LGR6: variants seen among roughly 807,000 people sequenced by gnomAD.
LGR6 encodes the protein leucine-rich repeat-containing G protein-coupled receptor 6.
Under a neutral mutation model 69.4 loss-of-function variants are expected in LGR6, and 45 were observed. The ratio of observed to expected loss-of-function variants is 0.65; its 90% CI spans 0.51 to 0.83. The LOEUF (loss-of-function observed/expected upper bound fraction) is 0.83. Among genes scored for constraint, LGR6 ranks in the 40% least tolerant of loss-of-function variants. The pLI is 0.00. For missense variants in LGR6, 1,108 were observed against 1,246.7 expected, an observed-to-expected ratio of 0.89 and a Z score of 1.68; for synonymous variants, 538 against 555.0, an observed-to-expected ratio of 0.97 and a Z score of 0.43.
At position 202,318,565 on chromosome 1, in the gene LGR6, G is replaced by A. The variant is rs1654357038; in HGVS notation, c.2262G>A (p.Leu754=). Residue 754 remains leucine, a synonymous_variant, in exon 18 of 18, where the codon CTG becomes CTA. Coordinates refer to ENST00000367278, the MANE Select transcript of LGR6 (RefSeq NM_001017403.2). The part of the protein sequence containing the change: ...FLVVAGAYIK[L]YCDLPRGDFE... ...TCGTGGCCGGTGCCTACATCAAACT[G>A]TACTGTGACCTGCCGCGGGGCGACT... 6.2e-7 allele frequency: 1 copy of A among 1,614,116 alleles called. No individual in the cohort carries two copies. Among genetic ancestry groups the A allele is most frequent in the Non-Finnish European group, 8.5e-7 (1 of 1,180,030 alleles).
In LGR6 at chr1:202,319,061, C is replaced by A. The variant is rs140080233; in HGVS notation, c.2758C>A (p.Pro920Thr). 4,520 of 1,614,154 alleles carry A rather than the reference C, an allele frequency of 2.8e-3. 8 individuals carry two copies. The highest frequency in any genetic ancestry group is 3.6e-3 in the Non-Finnish European group (4,224 of 1,180,020). Residue 920 changes from proline to threonine, a missense_variant, in exon 18 of 18, where the codon CCA (proline) becomes ACA (threonine). Transcript: ENST00000367278. ...PRLEGSHCVEPEGNHFGNPQP... is the reference protein window; with the variant it reads ...PRLEGSHCVETEGNHFGNPQP... Reference sequence around the variant, plus strand: ...GCTGGAGGGCAGCCATTGTGTAGAGCCAGAGGGGAACCACTTTGGGAACCC... The same window carrying A: ...GCTGGAGGGCAGCCATTGTGTAGAGACAGAGGGGAACCACTTTGGGAACCC...
intron 1 of LGR6, among the ~76,000 whole-genome samples, chr1:202,198,156 G>A (rs1160116225): frequency 6.6e-6 from 1 of 152,242 alleles, no homozygotes; most frequent in Non-Finnish European, 1.5e-5. Flanking sequence ...GTGTCTGTGT[G>A]TGTGTGTAGA....
In LGR6 at chr1:202,266,147, A is replaced by G. The variant is rs143787504; in HGVS notation, c.429-10159A>G. 5.9e-3 allele frequency among the ~76,000 whole-genome samples: 892 copies of G among 152,276 alleles called. 13 individuals are homozygous for G. The highest frequency in any genetic ancestry group is 0.021 in the African/African-American group (863 of 41,534). ...ATAACAGGCAGCTTCTACACTCTAA[A>G]AAAAGAATATTATCCAAATGGTAGA... On this transcript the variant is annotated intron_variant, in intron 4 of 17. Transcript: ENST00000367278.
chr1:202,210,878 G>T (rs1659437719), intron 1 of LGR6: 1 of 152,220 alleles, frequency 6.6e-6, no homozygotes, highest in East Asian at 1.9e-4. Context: ...CCCGACACTT[G>T]CCTAGGCTCT....
chr1:202,226,878 G>C (rs1484476714), intron 2 of LGR6, among the ~76,000 whole-genome samples: 2 of 152,148 alleles, frequency 1.3e-5, no homozygotes, highest in Non-Finnish European at 2.9e-5. Context: ...GCAGTGGAGG[G>C]GCCTTTTGAA....
At chr1:202,253,601 C>CCA (rs940293364) in intron 4 of LGR6, among the ~76,000 whole-genome samples, 28 of 149,736 alleles carry the variant, frequency 1.9e-4, no homozygotes, top group African/African-American at 6.4e-4. Flanking sequence ...CCGCGCCTGG[C>CCA]CAAGATGGTC....
At chr1:202,213,550 G>A (rs1659559773) in intron 1 of LGR6, among the ~76,000 whole-genome samples, 2 of 152,252 alleles carry the variant, frequency 1.3e-5, no homozygotes, top group Non-Finnish European at 2.9e-5. Context: ...GGCTGACCCA[G>A]AACGCCCTCC....
chr1:202,306,620 A>C, intron 12 of LGR6: 1 of 529,114 alleles, frequency 1.9e-6, no homozygotes, highest in East Asian at 3.4e-5. Context: ...CCCAGTGGGA[A>C]CACTGGAAGC....
chr1:202,319,299 A>C lies in LGR6; in HGVS notation c.*92A>C. On this transcript the variant is annotated 3_prime_UTR_variant, in exon 18 of 18. Transcript: ENST00000367278. ...TGCTTCTAAAACAAATACAACCAAA[A>C]CTCAGCAGTGTGATCTATAGCAGGA... The C allele has an allele frequency of 4.5e-6, 6 of 1,337,246 alleles. No individual in the cohort carries two copies. The highest frequency in any genetic ancestry group is 3.0e-5 in the South Asian group (2 of 65,866). The allele number at this position is 1,337,246 out of a possible 1,614,324, so 82.8% of individuals were successfully genotyped here.
intron 4 of LGR6, among the ~76,000 whole-genome samples, chr1:202,239,409 G>A (rs1436486003): frequency 6.6e-6 from 1 of 151,700 alleles, no homozygotes; most frequent in African/African-American, 2.4e-5. Flanking sequence ...CTGGTGGGAA[G>A]GGCAGTAGTG....
At chr1:202,304,950 T>G (rs1044161396) in intron 11 of LGR6, among the ~76,000 whole-genome samples, 14 of 152,252 alleles carry the variant, frequency 9.2e-5, no homozygotes, top group Non-Finnish European at 1.8e-4. Context: ...ACATAATTAC[T>G]GTAATTTTAC....
At chr1:202,308,402 C>T (rs949140248) in intron 14 of LGR6, among the ~76,000 whole-genome samples, 3 of 152,172 alleles carry the variant, frequency 2.0e-5, no homozygotes, top group African/African-American at 4.8e-5. Context: ...TGCCAGGTTT[C>T]CTGCCTTCCA....
intron 1 of LGR6, among the ~76,000 whole-genome samples, chr1:202,222,631 AGGGGTG>A (rs1231590145): frequency 6.6e-6 from 1 of 152,168 alleles, no homozygotes; most frequent in African/African-American, 2.4e-5. Flanking sequence ...AGAATGAGCC[AGGGGTG>A]GGACACCAGG....
At chr1:202,213,775 A>G (rs116525744) in intron 1 of LGR6, among the ~76,000 whole-genome samples, 210 of 152,332 alleles carry the variant, frequency 1.4e-3, no homozygotes, top group African/African-American at 4.7e-3. Flanking sequence ...CAGAGAGGAA[A>G]GGAACTAGTC....
rs570931259 is a variant in LGR6, at chr1:202,221,025, C to T, written c.213-4398C>T. On this transcript the variant is annotated intron_variant, in intron 1 of 17. Transcript: ENST00000367278. ...ACATAAATAAAATAACTGGCCTTTT[C>T]CTGGCTGCAGAGATGGGCAACCTGA... is the stretch of plus-strand genomic sequence containing the variant. Among the ~76,000 whole-genome samples, 45 of 152,220 alleles carry T rather than the reference C, an allele frequency of 3.0e-4. No individual in the cohort carries two copies. The East Asian group carries it at 7.5e-3, about 25-fold the overall frequency.
Position 202,318,412 on chromosome 1 carries a change from GC to G in LGR6, c.2113del (p.Leu705TrpfsTer33). ...CACTGGCAGGGCTGGCCGCCGCGCT[GC>G]CCCTGGCCTCAGTGGGAGAATACGG... The part of the protein sequence containing the change: ...LALAGLAAAL[P>X]LASVGEYGAS... On this transcript the variant is annotated frameshift_variant, in exon 18 of 18. Transcript: ENST00000367278. LOFTEE classifies it low-confidence loss of function (END_TRUNC). 6.2e-7 allele frequency: 1 copy of G among 1,608,940 alleles called. No individual in the cohort carries two copies. Among genetic ancestry groups the G allele is most frequent in the Admixed American group, 1.7e-5 (1 of 59,762 alleles).
chr1:202,201,858 A>T lies in LGR6; in HGVS notation c.212+7657A>T, dbSNP rs143846579. Among the ~76,000 whole-genome samples, 321 of 152,332 alleles carry T rather than the reference A, an allele frequency of 2.1e-3. 3 individuals are homozygous for T. Among genetic ancestry groups the T allele is most frequent in the Middle Eastern group, 3.4e-3 (1 of 294 alleles). Reference sequence around the variant, plus strand: ...GGGGACTCTGGGGAGGGTAAGACGGAATCCTTGAGTGTGGAGATTATCATC... The same window carrying T: ...GGGGACTCTGGGGAGGGTAAGACGGTATCCTTGAGTGTGGAGATTATCATC... On this transcript the variant is annotated intron_variant, in intron 1 of 17. Transcript: ENST00000367278.
At chr1:202,198,668 GTTTTTTTT>G (rs56275558) in intron 1 of LGR6, among the ~76,000 whole-genome samples, 42 of 127,746 alleles carry the variant, frequency 3.3e-4, no homozygotes, top group Admixed American at 1.0e-3. Context: ...GTAATTTTAG[GTTTTTTTT>G]TTTTTTTTTT....
intron 3 of LGR6, among the ~76,000 whole-genome samples, chr1:202,233,336 A>T (rs1661249821): frequency 6.6e-6 from 1 of 152,078 alleles, no homozygotes; most frequent in Non-Finnish European, 1.5e-5. Context: ...CAGTGACCAG[A>T]TGTAGCCTCC....
Sources: allele counts gnomAD v4.1 joint callset (sites outside exome capture counted in the v4.1 genomes callset), GRCh38; gene constraint gnomAD v4.1.1; transcripts MANE v1.5; gene names NCBI Gene and HGNC (gene_info 2026-07-23, HGNC 2026-07-21).